Variants in MACROD2 observed in about 807,000 individuals in gnomAD.
MACROD2 encodes the protein ADP-ribose glycohydrolase MACROD2.
MACROD2 carries 36 observed loss-of-function variants against 70.4 expected under a neutral mutation model. The observed-to-expected ratio is 0.51, with a 90% CI of 0.39 to 0.68. The LOEUF is 0.68. Among genes scored for constraint, MACROD2 ranks in the 30% least tolerant of loss-of-function variants. The probability of loss-of-function intolerance (pLI) is 0.00; values close to 1 mark genes in which losing one functional copy is unlikely to be tolerated. For missense variants in MACROD2, 496 were observed against 538.4 expected (o/e 0.92, Z 0.78); for synonymous variants, 172 against 178.8 (o/e 0.96, Z 0.30).
intron 3 of MACROD2, among the ~76,000 whole-genome samples, chr20:14,403,879 G>A (rs1487197562): frequency 6.6e-6 from 1 of 151,848 alleles, no homozygotes; most frequent in Non-Finnish European, 1.5e-5. Context: ...ACATGCAAGA[G>A]CCCAAGATAC....
intron 4 of MACROD2, among the ~76,000 whole-genome samples, chr20:14,506,387 A>G (rs1422350936): frequency 6.6e-6 from 1 of 152,212 alleles, no homozygotes; most frequent in African/African-American, 2.4e-5. Flanking sequence ...CCCTACCCAT[A>G]TAAAGATCTG....
At chr20:14,997,942 C>A (rs560959546) in intron 5 of MACROD2, among the ~76,000 whole-genome samples, 1 of 152,290 alleles carries the variant, frequency 6.6e-6, no homozygotes, top group East Asian at 1.9e-4. Context: ...GGGGAGAGAA[C>A]AAGAGACTGC....
intron 3 of MACROD2, among the ~76,000 whole-genome samples, chr20:14,374,210 T>C (rs1174056676): frequency 6.6e-6 from 1 of 152,170 alleles, no homozygotes; most frequent in Non-Finnish European, 1.5e-5. Context: ...TCTAACAAGG[T>C]ATATTCTAAA....
chr20:15,677,516 G>A (rs1243812978), intron 8 of MACROD2, among the ~76,000 whole-genome samples: 1 of 152,156 alleles, frequency 6.6e-6, no homozygotes, highest in Non-Finnish European at 1.5e-5. Flanking sequence ...TGCTCTCCCA[G>A]GCAGAGCCTT....
At chr20:14,302,623 C>G (rs914698122) in intron 3 of MACROD2, among the ~76,000 whole-genome samples, 4 of 151,062 alleles carry the variant, frequency 2.6e-5, no homozygotes, top group Non-Finnish European at 5.9e-5. Context: ...ATTATTCTTG[C>G]TTATGTTAGA....
intron 5 of MACROD2, chr20:14,935,075 C>G (rs1479524687): frequency 6.6e-6 from 1 of 152,016 alleles, no homozygotes; most frequent in Non-Finnish European, 1.5e-5. Context: ...GGGGATCGAA[C>G]TGAGTGGACC....
chr20:15,569,696 T>C lies in MACROD2; in HGVS notation c.645+69849T>C, dbSNP rs78975077. 7.0e-3 allele frequency among the ~76,000 whole-genome samples: 1,060 copies of C among 152,304 alleles called. 12 individuals carry two copies. The highest frequency in any genetic ancestry group is 0.024 in the African/African-American group (978 of 41,556). ...TGTTTAGCATTACGTCCTCCAGATTTAGCTATATTTTGAAGTGGTAGCTTC... is the reference window on the plus strand; with the variant it reads ...TGTTTAGCATTACGTCCTCCAGATTCAGCTATATTTTGAAGTGGTAGCTTC... On this transcript the variant is annotated intron_variant, in intron 8 of 17. Coordinates refer to ENST00000684519, the MANE Select transcript of MACROD2 (RefSeq NM_001351661.2).
intron 8 of MACROD2, among the ~76,000 whole-genome samples, chr20:15,861,855 C>T (rs115181804): frequency 1.6e-3 from 242 of 152,212 alleles, no homozygotes; most frequent in African/African-American, 5.6e-3. Flanking sequence ...CCTACTGCCA[C>T]GAGAAACACC....
At chr20:15,364,481 G>T (rs1489437099) in intron 6 of MACROD2, among the ~76,000 whole-genome samples, 1 of 152,204 alleles carries the variant, frequency 6.6e-6, no homozygotes, top group Non-Finnish European at 1.5e-5. Context: ...TAAGCACCTA[G>T]TGTTGGAGAA....
chr20:15,759,193 T>C (rs1289832189), intron 8 of MACROD2, among the ~76,000 whole-genome samples: 1 of 148,304 alleles, frequency 6.7e-6, no homozygotes, highest in African/African-American at 2.5e-5. Flanking sequence ...AGTCATTCTA[T>C]CCTTCCAAAG....
intron 8 of MACROD2, among the ~76,000 whole-genome samples, chr20:15,707,647 G>A (rs1287516509): frequency 6.6e-6 from 1 of 152,204 alleles, no homozygotes; most frequent in East Asian, 1.9e-4. Flanking sequence ...GCTGAGCGTG[G>A]TGGCGGGTGC....
At chr20:15,312,294 T>C (rs997101924) in intron 6 of MACROD2, among the ~76,000 whole-genome samples, 10 of 152,246 alleles carry the variant, frequency 6.6e-5, no homozygotes, top group African/African-American at 2.2e-4. Context: ...TGTTAATTTG[T>C]TAAGATGTGA....
At chr20:14,432,110 T>G (rs1244621191) in intron 3 of MACROD2, among the ~76,000 whole-genome samples, 2 of 152,176 alleles carry the variant, frequency 1.3e-5, no homozygotes, top group African/African-American at 4.8e-5. Context: ...AAATTCCTCC[T>G]TAGAGCGTAC....
At chr20:15,853,935 C>A (rs1469646870) in intron 8 of MACROD2, among the ~76,000 whole-genome samples, 3 of 152,140 alleles carry the variant, frequency 2.0e-5, no homozygotes, top group African/African-American at 7.2e-5. Flanking sequence ...GTAACTTGTT[C>A]AAGGTCACAG....
chr20:15,162,345 T>C (rs1012821024), intron 5 of MACROD2, among the ~76,000 whole-genome samples: 2 of 151,978 alleles, frequency 1.3e-5, no homozygotes, highest in Admixed American at 1.3e-4. Context: ...GACTAGACCT[T>C]GAACCTGGAC....
chr20:14,325,356 C>T (rs2082716593), intron 3 of MACROD2: 2 of 482,898 alleles, frequency 4.1e-6, no homozygotes, highest in East Asian at 6.5e-5. Flanking sequence ...CAGGCATCTC[C>T]ACTACATCAA....
chr20:15,317,944 T>C (rs1478139119), intron 6 of MACROD2, among the ~76,000 whole-genome samples: 3 of 152,036 alleles, frequency 2.0e-5, no homozygotes, highest in African/African-American at 7.2e-5. Flanking sequence ...GTCAAGCTGA[T>C]ACATAAAATT....
intron 6 of MACROD2, among the ~76,000 whole-genome samples, chr20:15,358,027 C>T (rs961527663): frequency 1.3e-5 from 2 of 152,112 alleles, no homozygotes; most frequent in Admixed American, 6.5e-5. Context: ...CCAGGATGGT[C>T]TCTATCTCCT....
chr20:14,936,098 T>C (rs1306163499), intron 5 of MACROD2, among the ~76,000 whole-genome samples: 1 of 151,968 alleles, frequency 6.6e-6, no homozygotes, highest in Non-Finnish European at 1.5e-5. Flanking sequence ...AAAAAGTAAA[T>C]AAAACATCTG....
Sources: allele counts gnomAD v4.1 joint callset (sites outside exome capture counted in the v4.1 genomes callset), GRCh38; gene constraint gnomAD v4.1.1; transcripts MANE v1.5; gene names NCBI Gene and HGNC (gene_info 2026-07-23, HGNC 2026-07-21).